TMEM108: variants seen among roughly 807,000 people sequenced by gnomAD.
TMEM108 encodes cancer/testis antigen 124.
A neutral mutation model predicts 35.1 loss-of-function variants in TMEM108; 12 were observed. The observed-to-expected ratio is 0.34, with a 90% CI of 0.22 to 0.55. The LOEUF (loss-of-function observed/expected upper bound fraction) is 0.55, where lower values mean the gene tolerates loss of function less well. TMEM108 is among the 20% of genes least tolerant of loss of function. The pLI, the probability that TMEM108 is intolerant of heterozygous loss-of-function variation, is 0.89. For synonymous variants in TMEM108, 287 were observed against 308.6 expected (o/e 0.93, Z 0.73); for missense variants, 680 against 753.3 (o/e 0.90, Z 1.14).
intron 3 of TMEM108, among the ~76,000 whole-genome samples, chr3:133,268,529 C>G (rs919663548): frequency 6.6e-6 from 1 of 152,080 alleles, no homozygotes; most frequent in African/African-American, 2.4e-5. Flanking sequence ...TATTCTACTT[C>G]AAAACTAGAA....
chr3:133,112,897 T>A (rs1376380732), intron 2 of TMEM108, among the ~76,000 whole-genome samples: 3 of 152,324 alleles, frequency 2.0e-5, no homozygotes, highest in African/African-American at 7.2e-5. Flanking sequence ...GATTTATGGT[T>A]AAAATGGGCT....
At chr3:133,341,998 A>G (rs533736058) in intron 3 of TMEM108, among the ~76,000 whole-genome samples, 3 of 152,034 alleles carry the variant, frequency 2.0e-5, no homozygotes, top group African/African-American at 2.4e-5. Context: ...GTAACACCCC[A>G]CAAGCACAGG....
Position 133,304,768 on chromosome 3 carries a change from T to C in TMEM108, c.41-74984T>C, listed in dbSNP as rs147957410. Among the ~76,000 whole-genome samples, 12 of 152,284 alleles carry C rather than the reference T, an allele frequency of 7.9e-5. No homozygotes were observed. The East Asian group carries it at 2.3e-3, about 29-fold the overall frequency. On this transcript the variant is annotated intron_variant, in intron 3 of 5. Transcript: ENST00000321871. ...CACTAGGCAATGGAAATTTGGATTG[T>C]GTCCAGTTTTTGTCTGTTAACAATA... is the stretch of plus-strand genomic sequence containing the variant.
intron 3 of TMEM108, among the ~76,000 whole-genome samples, chr3:133,347,753 C>T (rs757124181): frequency 1.4e-4 from 22 of 151,918 alleles, no homozygotes; most frequent in Admixed American, 3.3e-4. Context: ...TTAATAAAAA[C>T]GTAATACTTC....
At chr3:133,093,658 A>T (rs1172136768) in intron 2 of TMEM108, among the ~76,000 whole-genome samples, 1 of 152,160 alleles carries the variant, frequency 6.6e-6, no homozygotes, top group East Asian at 1.9e-4. Context: ...AGTGGTCTGG[A>T]ATTATGGGGA....
rs1382655882 is a variant in TMEM108 at position 133,229,358 on chromosome 3, T to A, written c.40+7T>A. 1.2e-6 allele frequency: 2 copies of A among 1,612,784 alleles called. No homozygotes were observed. Among genetic ancestry groups the A allele is most frequent in the Non-Finnish European group, 1.7e-6 (2 of 1,179,246 alleles). ...CTCTATTGCCAACTGTTAAGTAAGTTGACACTGTATTTCTTCTTTCCTAAA... is the reference window on the plus strand; with the variant it reads ...CTCTATTGCCAACTGTTAAGTAAGTAGACACTGTATTTCTTCTTTCCTAAA... On this transcript the variant is annotated splice_region_variant and intron_variant, in intron 3 of 5. Coordinates refer to ENST00000321871, the MANE Select transcript of TMEM108 (RefSeq NM_023943.4).
chr3:133,229,371 C>T lies in TMEM108; in HGVS notation c.40+20C>T. 6.2e-7 allele frequency: 1 copy of T among 1,610,772 alleles called. No individual in the cohort carries two copies. The highest frequency in any genetic ancestry group is 8.5e-7 in the Non-Finnish European group (1 of 1,178,118). ...TGTTAAGTAAGTTGACACTGTATTTCTTCTTTCCTAAAATATACTAATGTT... is the reference window on the plus strand; with the variant it reads ...TGTTAAGTAAGTTGACACTGTATTTTTTCTTTCCTAAAATATACTAATGTT... On this transcript the variant is annotated intron_variant, in intron 3 of 5. Coordinates refer to ENST00000321871, the MANE Select transcript of TMEM108 (RefSeq NM_023943.4).
intron 3 of TMEM108, 82 bp from the exon 4 acceptor site, chr3:133,379,670 G>C: frequency 7.1e-7 from 1 of 1,415,044 alleles, no homozygotes; most frequent in Non-Finnish European, 9.8e-7. Flanking sequence ...TCCCAGCACT[G>C]TCCTAGGCCA....
intron 3 of TMEM108, among the ~76,000 whole-genome samples, chr3:133,300,975 TACACACACACACACACACACACAC>T (rs66703555): frequency 6.8e-4 from 89 of 131,358 alleles, no homozygotes; most frequent in East Asian, 4.8e-3. Flanking sequence ...CAGACCCCAG[TACACACACACACACACACACACAC>T]ACACACACAC....
At chr3:133,340,307 C>T (rs2071622073) in intron 3 of TMEM108, among the ~76,000 whole-genome samples, 1 of 151,630 alleles carries the variant, frequency 6.6e-6, no homozygotes, top group Non-Finnish European at 1.5e-5. Flanking sequence ...TCGTGAGCAA[C>T]TATATGTCAA....
At chr3:133,286,962 G>A (rs1946994175) in intron 3 of TMEM108, among the ~76,000 whole-genome samples, 1 of 152,100 alleles carries the variant, frequency 6.6e-6, no homozygotes, top group Non-Finnish European at 1.5e-5. Flanking sequence ...TATTTTCTTA[G>A]ATTTGCAACT....
At chr3:133,121,506 C>G (rs1006245081) in intron 2 of TMEM108, among the ~76,000 whole-genome samples, 5 of 152,204 alleles carry the variant, frequency 3.3e-5, no homozygotes, top group Admixed American at 6.5e-5. Flanking sequence ...ACACATTTAT[C>G]TGTCATTTTG....
intron 2 of TMEM108, among the ~76,000 whole-genome samples, chr3:133,053,418 G>A (rs1281483569): frequency 1.3e-5 from 2 of 152,192 alleles, no homozygotes; most frequent in Admixed American, 6.5e-5. Flanking sequence ...CCCTAAATTT[G>A]TGAGGTTATG....
intron 2 of TMEM108, among the ~76,000 whole-genome samples, chr3:133,222,010 C>T (rs1288771939): frequency 6.6e-6 from 1 of 152,008 alleles, no homozygotes; most frequent in African/African-American, 2.4e-5. Flanking sequence ...TTATTTTTAC[C>T]AGTAAGTTTT....
intron 2 of TMEM108, among the ~76,000 whole-genome samples, chr3:133,064,137 T>C (rs946555566): frequency 6.6e-6 from 1 of 152,136 alleles, no homozygotes; most frequent in African/African-American, 2.4e-5. Flanking sequence ...TAAGACTCTA[T>C]TGAATTGAGA....
intron 3 of TMEM108, among the ~76,000 whole-genome samples, chr3:133,351,996 C>G (rs1238417967): frequency 6.6e-6 from 1 of 152,180 alleles, no homozygotes; most frequent in African/African-American, 2.4e-5. Flanking sequence ...TATACACACA[C>G]ATAACCCTAG....
intron 3 of TMEM108, among the ~76,000 whole-genome samples, chr3:133,231,042 G>T (rs1946145705): frequency 6.6e-6 from 1 of 152,130 alleles, no homozygotes; most frequent in Non-Finnish European, 1.5e-5. Context: ...TTACTGACAT[G>T]CATATACACA....
At chr3:133,177,582 T>C (rs1042729282) in intron 2 of TMEM108, among the ~76,000 whole-genome samples, 3 of 152,148 alleles carry the variant, frequency 2.0e-5, no homozygotes, top group Non-Finnish European at 4.4e-5. Context: ...ATTATCTCAA[T>C]AGATGCAGAA....
At chr3:133,376,508 T>A (rs1279305382) in intron 3 of TMEM108, among the ~76,000 whole-genome samples, 1 of 152,196 alleles carries the variant, frequency 6.6e-6, no homozygotes, top group African/African-American at 2.4e-5. Context: ...GACAGCCCTA[T>A]GGCCCAGAAC....
Sources: gnomAD v4.1 joint callset for allele counts (sites outside exome capture counted in the v4.1 genomes callset) on GRCh38, gnomAD v4.1.1 for gene constraint, MANE v1.5 for transcripts, NCBI Gene and HGNC (gene_info 2026-07-23, HGNC 2026-07-21) for gene names.